Variants in RORA observed in about 807,000 individuals in gnomAD.
RORA encodes RAR related orphan receptor A, also known as nuclear receptor ROR-alpha.
Under a neutral mutation model 69.5 loss-of-function variants are expected in RORA, and 7 were observed. The ratio of observed to expected loss-of-function variants is 0.10; its 90% CI spans 0.06 to 0.19. The LOEUF (loss-of-function observed/expected upper bound fraction) is 0.19. Among genes scored for constraint, RORA ranks in the 10% least tolerant of loss-of-function variants. RORA has a pLI of 1.00. For synonymous variants in RORA, 261 were observed against 240.8 expected, an observed-to-expected ratio of 1.08 and a Z score of -0.78; for missense variants, 457 against 663.0, an observed-to-expected ratio of 0.69 and a Z score of 3.41.
chr15:61,175,088 G>C (rs2140897408), intron 1 of RORA, among the ~76,000 whole-genome samples: 1 of 152,254 alleles, frequency 6.6e-6, no homozygotes, highest in Middle Eastern at 3.4e-3. Flanking sequence ...GAAAGTCTCT[G>C]GGTCTATACT....
At chr15:61,220,280 G>T (rs2080082953) in intron 1 of RORA, among the ~76,000 whole-genome samples, 1 of 152,152 alleles carries the variant, frequency 6.6e-6, no homozygotes, top group Admixed American at 6.5e-5. Context: ...CCTCCCAGTT[G>T]CCCTGTCCCT....
chr15:61,141,653 TAAG>T (rs535770337), intron 1 of RORA, among the ~76,000 whole-genome samples: 198 of 152,276 alleles, frequency 1.3e-3, no homozygotes, highest in African/African-American at 4.7e-3. Flanking sequence ...CTTGATTTCA[TAAG>T]GACAAGATTG....
intron 1 of RORA, among the ~76,000 whole-genome samples, chr15:60,876,884 G>T (rs1248134207): frequency 2.6e-5 from 4 of 152,122 alleles, no homozygotes; most frequent in Non-Finnish European, 2.9e-5. Context: ...ATTTTCACTT[G>T]CGAGTGGGAG....
chr15:61,196,329 C>T (rs748804816), intron 1 of RORA, among the ~76,000 whole-genome samples: 25 of 152,362 alleles, frequency 1.6e-4, no homozygotes, highest in African/African-American at 5.5e-4. Flanking sequence ...CCCCTGAGTC[C>T]GTGTGACAAC....
At chr15:61,191,298 T>C (rs2079797352) in intron 1 of RORA, among the ~76,000 whole-genome samples, 1 of 151,812 alleles carries the variant, frequency 6.6e-6, no homozygotes, top group Non-Finnish European at 1.5e-5. Flanking sequence ...AATTGTCATC[T>C]GTATTATTAT....
At chr15:61,040,843 T>C (rs1896729772) in intron 1 of RORA, among the ~76,000 whole-genome samples, 1 of 152,218 alleles carries the variant, frequency 6.6e-6, no homozygotes, top group Non-Finnish European at 1.5e-5. Flanking sequence ...CACTCATTTT[T>C]TCAAAGGTTG....
chr15:60,732,990 C>T (rs190174631), intron 1 of RORA, among the ~76,000 whole-genome samples: 4 of 152,284 alleles, frequency 2.6e-5, no homozygotes, highest in East Asian at 1.9e-4. Flanking sequence ...CTCTCATAAA[C>T]ATTAGGCCTT....
chr15:61,053,139 C>T (rs2078037036), intron 1 of RORA, among the ~76,000 whole-genome samples: 2 of 152,232 alleles, frequency 1.3e-5, no homozygotes, highest in African/African-American at 4.8e-5. Flanking sequence ...ATCGGAGCTA[C>T]TCAATCACTT....
intron 1 of RORA, among the ~76,000 whole-genome samples, chr15:60,837,112 T>C (rs1160361465): frequency 6.6e-6 from 1 of 150,968 alleles, no homozygotes. Flanking sequence ...GCTCAAGAGA[T>C]CCTCCCACCT....
intron 1 of RORA, among the ~76,000 whole-genome samples, chr15:60,946,466 C>T (rs549613028): frequency 4.6e-5 from 7 of 152,228 alleles, no homozygotes; most frequent in African/African-American, 1.4e-4. Context: ...GACGGGGTTT[C>T]GCTTTGTTGG....
intron 1 of RORA, among the ~76,000 whole-genome samples, chr15:60,861,806 A>G (rs981780391): frequency 6.6e-6 from 1 of 152,184 alleles, no homozygotes; most frequent in Non-Finnish European, 1.5e-5. Context: ...GCAGAAGGCC[A>G]TACCACTCAG....
chr15:60,630,724 A>G (rs188272949), intron 2 of RORA: 21 of 152,116 alleles, frequency 1.4e-4, no homozygotes, highest in Admixed American at 1.2e-3. Context: ...CAGCTCAGGA[A>G]CTCCTTTCTC....
At chr15:61,205,070 A>T (rs989403770) in intron 1 of RORA, among the ~76,000 whole-genome samples, 72 of 152,354 alleles carry the variant, frequency 4.7e-4, no homozygotes, top group African/African-American at 1.6e-3. Context: ...GTGGGCCCAG[A>T]CAAGGCTTTC....
intron 3 of RORA, among the ~76,000 whole-genome samples, chr15:60,516,199 ATATATATATTT>A (rs2065938415): frequency 4.0e-5 from 1 of 24,832 alleles, no homozygotes; most frequent in African/African-American, 2.8e-4. Flanking sequence ...ATATATATTT[ATATATATATTT>A]ATATATATAT....
Position 61,137,066 on chromosome 15 carries a change from A to AGAAG in RORA, c.166+91986_166+91987insCTTC, listed in dbSNP as rs1414247509. Among the ~76,000 whole-genome samples the AGAAG allele has an allele frequency of 5.2e-4, 77 of 149,442 alleles. 1 individual carries two copies. Among genetic ancestry groups the AGAAG allele is most frequent in the African/African-American group, 1.9e-3 (74 of 39,246 alleles). Reference sequence around the variant, plus strand: ...AAGAAAGAAAGAAAGAAAGAAAGAAAGAAAGAAAGAAAGAAAGAAAGAAAG... The same window carrying AGAAG: ...AAGAAAGAAAGAAAGAAAGAAAGAAAGAAGGAAAGAAAGAAAGAAAGAAAGAAAG... On this transcript the variant is annotated intron_variant, in intron 1 of 10. Transcript: ENST00000335670.
chr15:60,627,838 C>A (rs970472941), intron 2 of RORA, among the ~76,000 whole-genome samples: 3 of 152,156 alleles, frequency 2.0e-5, no homozygotes, highest in Non-Finnish European at 2.9e-5. Context: ...ATATGGACTA[C>A]TTTTGTACTT....
chr15:60,962,331 C>A (rs942340874), intron 1 of RORA, among the ~76,000 whole-genome samples: 12 of 152,164 alleles, frequency 7.9e-5, no homozygotes, highest in African/African-American at 2.9e-4. Context: ...TTTCTAACTG[C>A]TAGAGAAACA....
chr15:60,815,362 G>A (rs1247155633), intron 1 of RORA, among the ~76,000 whole-genome samples: 1 of 152,072 alleles, frequency 6.6e-6, no homozygotes, highest in African/African-American at 2.4e-5. Context: ...GCATTGCCTG[G>A]TGATTATGGT....
intron 2 of RORA, among the ~76,000 whole-genome samples, chr15:60,595,685 GAAA>G (rs34344210): frequency 7.0e-6 from 1 of 143,478 alleles, no homozygotes. Flanking sequence ...CAAGTGTTCT[GAAA>G]AAAAAAAAAA....
Sources: gnomAD v4.1 joint callset for allele counts (sites outside exome capture counted in the v4.1 genomes callset) on GRCh38, gnomAD v4.1.1 for gene constraint, MANE v1.5 for transcripts, NCBI Gene and HGNC (gene_info 2026-07-23, HGNC 2026-07-21) for gene names.